BLTP1: variants seen among roughly 807,000 people sequenced by gnomAD.
BLTP1 encodes the protein fragile site-associated protein.
chr4:122,302,971 G>T, the BLTP1 span, among the ~76,000 whole-genome samples: 4 of 152,316 alleles, frequency 2.6e-5, no homozygotes, highest in Non-Finnish European at 4.4e-5. Context: ...TAACATAAAA[G>T]TGCAAACTGA....
the BLTP1 span, among the ~76,000 whole-genome samples, chr4:122,351,571 C>T: frequency 6.6e-6 from 1 of 152,142 alleles, no homozygotes; most frequent in Non-Finnish European, 1.5e-5. Flanking sequence ...CCTTTGCCTT[C>T]TTTTAATTTA....
At chr4:122,256,938 G>A in the BLTP1 span, 42 of 177,040 alleles carry the variant, frequency 2.4e-4, no homozygotes, top group Middle Eastern at 2.8e-3. Context: ...GGCAAAATAA[G>A]TAAAGTTGAT....
chr4:122,352,874 C>G, the BLTP1 span: 3 of 1,610,264 alleles, frequency 1.9e-6, no homozygotes, highest in Admixed American at 1.7e-5. Context: ...TTAGGCACTT[C>G]AGGATATGTG....
At chr4:122,343,934 G>C in the BLTP1 span, 1 of 898,924 alleles carries the variant, frequency 1.1e-6, no homozygotes, top group Non-Finnish European at 1.3e-6. Context: ...ACAACAAACT[G>C]CGTAGAAAGT....
the BLTP1 span, among the ~76,000 whole-genome samples, chr4:122,265,258 T>TA: frequency 6.6e-6 from 1 of 152,206 alleles, no homozygotes; most frequent in Non-Finnish European, 1.5e-5. Context: ...ACAACATACA[T>TA]ACATCCTTCT....
At chr4:122,335,325 G>C in the BLTP1 span, among the ~76,000 whole-genome samples, 1 of 152,046 alleles carries the variant, frequency 6.6e-6, no homozygotes, top group Non-Finnish European at 1.5e-5. Context: ...ACACAGGTCA[G>C]TACGGAAGTA....
At chr4:122,250,850 A>C in the BLTP1 span, 1 of 789,374 alleles carries the variant, frequency 1.3e-6, no homozygotes, top group Non-Finnish European at 1.5e-6. Flanking sequence ...GAATTAATAA[A>C]TTAACAAAAT....
chr4:122,337,286 C>T, the BLTP1 span: 3 of 407,368 alleles, frequency 7.4e-6, no homozygotes, highest in Admixed American at 9.6e-5. Context: ...ATTTAATACA[C>T]TTAACTTACT....
chr4:122,361,088 T>A, the BLTP1 span, among the ~76,000 whole-genome samples: 1 of 152,304 alleles, frequency 6.6e-6, no homozygotes, highest in East Asian at 1.9e-4. Context: ...CCTTGTAGGA[T>A]CGTTACACTG....
At chr4:122,163,879 C>G in the BLTP1 span, among the ~76,000 whole-genome samples, 1 of 152,126 alleles carries the variant, frequency 6.6e-6, no homozygotes, top group African/African-American at 2.4e-5. Context: ...ACTGTTGTTC[C>G]ATAATAACTG....
At chr4:122,331,709 A>T in the BLTP1 span, 2 of 979,130 alleles carry the variant, frequency 2.0e-6, no homozygotes. Flanking sequence ...TTTCTTATAA[A>T]CAAGTGCATA....
chr4:122,162,493 A>C, the BLTP1 span: 1 of 985,300 alleles, frequency 1.0e-6, no homozygotes. Flanking sequence ...GAATTGGGAA[A>C]ATTGTAATCA....
chr4:122,308,936 T>C, the BLTP1 span, among the ~76,000 whole-genome samples: 3 of 152,054 alleles, frequency 2.0e-5, no homozygotes, highest in African/African-American at 7.2e-5. Context: ...AATATAGTAG[T>C]TTTTTAATAG....
the BLTP1 span, chr4:122,179,908 A>G: frequency 3.0e-6 from 3 of 985,250 alleles, no homozygotes; most frequent in Non-Finnish European, 3.6e-6. Context: ...CAGGGGTACC[A>G]TTCCAGATCA....
the BLTP1 span, chr4:122,172,318 A>G: frequency 8.3e-6 from 6 of 723,982 alleles, no homozygotes; most frequent in East Asian, 6.6e-4. Flanking sequence ...TTTGAAAAGG[A>G]TAAGTAAGAG....
At chr4:122,351,525 T>C in the BLTP1 span, among the ~76,000 whole-genome samples, 1 of 152,218 alleles carries the variant, frequency 6.6e-6, no homozygotes, top group Non-Finnish European at 1.5e-5. Flanking sequence ...AACCAGTTTA[T>C]CCAATCCAAA....
chr4:122,174,713 A>ACGC, the BLTP1 span: 2 of 1,258,226 alleles, frequency 1.6e-6, no homozygotes, highest in Non-Finnish European at 2.2e-6. Flanking sequence ...ATATTGTTAA[A>ACGC]ATGTTTTATG....
At chr4:122,199,093 A>G in the BLTP1 span, among the ~76,000 whole-genome samples, 1 of 152,310 alleles carries the variant, frequency 6.6e-6, no homozygotes, top group South Asian at 2.1e-4. Context: ...ACTACTGTTT[A>G]AAGAATAGAC....
the BLTP1 span, chr4:122,246,755 G>A: frequency 6.2e-7 from 1 of 1,613,152 alleles, no homozygotes; most frequent in Admixed American, 1.7e-5. Context: ...TGTGACTCAT[G>A]TTTCCCTAGT....
Sources: allele counts gnomAD v4.1 joint callset (sites outside exome capture counted in the v4.1 genomes callset), GRCh38; gene constraint gnomAD v4.1.1; transcripts MANE v1.5; gene names NCBI Gene and HGNC (gene_info 2026-07-23, HGNC 2026-07-21).